Variants in NR3C2 observed in about 807,000 individuals in gnomAD.
NR3C2 encodes the protein nuclear receptor subfamily 3 group C member 2, also known as mineralocorticoid receptor.
In NR3C2, 15 loss-of-function variants were observed where a neutral mutation model predicts 86.4. That is an observed-to-expected ratio of 0.17 (90% CI 0.12 to 0.27). NR3C2 has a LOEUF of 0.27. Among genes scored for constraint, NR3C2 ranks in the 10% least tolerant of loss-of-function variants. The probability of loss-of-function intolerance (pLI) is 1.00; values close to 1 mark genes in which losing one functional copy is unlikely to be tolerated. For synonymous variants in NR3C2, 458 were observed against 450.5 expected (o/e 1.02, Z -0.21); for missense variants, 960 against 1,195.6 (o/e 0.80, Z 2.91).
chr4:148,389,892 C>A (rs1273125393), intron 2 of NR3C2, among the ~76,000 whole-genome samples: 3 of 151,984 alleles, frequency 2.0e-5, no homozygotes. Flanking sequence ...TTCTAGAGAA[C>A]ATCAGACTAT....
At chr4:148,320,554 T>G (rs1339095289) in intron 2 of NR3C2, among the ~76,000 whole-genome samples, 2,483 of 144,426 alleles carry the variant, frequency 0.017, 64 homozygotes, top group African/African-American at 0.062. Context: ...CAATTTCAGA[T>G]CCTGTTATTG....
At chr4:148,224,553 A>G (rs1259799295) in intron 3 of NR3C2, among the ~76,000 whole-genome samples, 1 of 152,230 alleles carries the variant, frequency 6.6e-6, no homozygotes, top group Non-Finnish European at 1.5e-5. Context: ...AGCCAGTATT[A>G]GTATTCCATA....
chr4:148,262,212 G>A (rs1373477097), intron 2 of NR3C2, among the ~76,000 whole-genome samples: 1 of 151,976 alleles, frequency 6.6e-6, no homozygotes, highest in Non-Finnish European at 1.5e-5. Flanking sequence ...GCATAAGCGG[G>A]ATTTTTATTC....
intron 2 of NR3C2, among the ~76,000 whole-genome samples, chr4:148,319,986 C>T (rs1436818894): frequency 1.4e-5 from 2 of 147,252 alleles, no homozygotes; most frequent in East Asian, 2.0e-4. Flanking sequence ...CCAGTTTTTG[C>T]CCATTCAGTA....
At chr4:148,428,662 T>C (rs150304111) in intron 2 of NR3C2, among the ~76,000 whole-genome samples, 97 of 152,314 alleles carry the variant, frequency 6.4e-4, no homozygotes, top group Middle Eastern at 3.4e-3. Flanking sequence ...AAAATCAATT[T>C]TTATACAAAA....
At chr4:148,270,064 T>A (rs2149883463) in intron 2 of NR3C2, among the ~76,000 whole-genome samples, 1 of 140,620 alleles carries the variant, frequency 7.1e-6, no homozygotes. Flanking sequence ...ATTTAGAGGT[T>A]ACTGATTTCA....
chr4:148,088,312 C>T (rs1187497925), intron 8 of NR3C2, among the ~76,000 whole-genome samples: 1 of 152,154 alleles, frequency 6.6e-6, no homozygotes, highest in African/African-American at 2.4e-5. Context: ...TGTGGTGATT[C>T]CTCAAGGATC....
At chr4:148,442,837 C>T (rs762373460), upstream of NR3C2, 260 of 985,326 alleles carry the variant, frequency 2.6e-4, no homozygotes, top group Non-Finnish European at 2.9e-4. Flanking sequence ...TTACGTCCAC[C>T]CTGCTCTCCT....
At chr4:148,260,242 A>G in intron 2 of NR3C2, 125 bp from the exon 3 acceptor site, 1 of 1,193,598 alleles carries the variant, frequency 8.4e-7, no homozygotes, top group East Asian at 2.5e-5. Flanking sequence ...TAATGACCAC[A>G]TACTATGTGA....
chr4:148,303,322 A>G (rs185106198), intron 2 of NR3C2, among the ~76,000 whole-genome samples: 1 of 152,324 alleles, frequency 6.6e-6, no homozygotes, highest in African/African-American at 2.4e-5. Context: ...GGGATGGGTA[A>G]TGTATATATC....
chr4:148,286,091 A>G lies in NR3C2; in HGVS notation c.1758-25974T>C, dbSNP rs552718034. Among the ~76,000 whole-genome samples, 268 of 152,362 alleles carry G rather than the reference A, an allele frequency of 1.8e-3. 1 individual carries two copies. The highest frequency in any genetic ancestry group is 3.2e-3 in the Non-Finnish European group (221 of 68,030). On this transcript the variant is annotated intron_variant, in intron 2 of 8. Coordinates refer to ENST00000358102, the MANE Select transcript of NR3C2 (RefSeq NM_000901.5). ...GCAATGTATTAAATAGAAATAGTTG[A>G]AAAATGTTTGCTTTATCTAAAGTGA...
chr4:148,187,789 T>C (rs1735999283), intron 4 of NR3C2, among the ~76,000 whole-genome samples: 1 of 152,366 alleles, frequency 6.6e-6, no homozygotes, highest in East Asian at 1.9e-4. Context: ...ATGAAATCCT[T>C]GCCTAAGCCA....
chr4:148,274,440 G>A (rs1290129624), intron 2 of NR3C2, among the ~76,000 whole-genome samples: 1 of 152,124 alleles, frequency 6.6e-6, no homozygotes, highest in Non-Finnish European at 1.5e-5. Flanking sequence ...GACCCGGTGG[G>A]AGGTGTATGG....
Position 148,334,860 on chromosome 4 carries a change from G to A in NR3C2, c.1758-74743C>T, listed in dbSNP as rs145330341. 1.1e-4 allele frequency among the ~76,000 whole-genome samples: 17 copies of A among 152,240 alleles called. No homozygotes were observed. In the East Asian group the frequency reaches 3.3e-3, roughly 29 times the overall value. On this transcript the variant is annotated intron_variant, in intron 2 of 8. Transcript: ENST00000358102. ...GTTGGGTTCCTTCTGAGAGTTATGGGGGAGAATCTGCCCCCTGCTTCTCTC... is the reference window on the plus strand; with the variant it reads ...GTTGGGTTCCTTCTGAGAGTTATGGAGGAGAATCTGCCCCCTGCTTCTCTC...
chr4:148,194,887 T>G (rs759167030), intron 3 of NR3C2, 25 bp from the exon 4 acceptor site: 1 of 1,491,468 alleles, frequency 6.7e-7, no homozygotes, highest in South Asian at 1.1e-5. Context: ...AAAAAATAAC[T>G]GTTAAAATAG....
Position 148,314,648 on chromosome 4 carries a change from A to G in NR3C2, c.1758-54531T>C, listed in dbSNP as rs1206115754. Among the ~76,000 whole-genome samples, 7 of 152,278 alleles carry G rather than the reference A, an allele frequency of 4.6e-5. No individual in the cohort carries two copies. In the East Asian group the frequency reaches 1.3e-3, roughly 29 times the overall value. ...CAAACAGTTTTGTAATTTCCTAGAA[A>G]GGATAACTTCACTTGAAGTATCTAA... On this transcript the variant is annotated intron_variant, in intron 2 of 8. Coordinates refer to ENST00000358102, the MANE Select transcript of NR3C2 (RefSeq NM_000901.5).
At chr4:148,236,883 G>A (rs1738775033) in intron 3 of NR3C2, among the ~76,000 whole-genome samples, 1 of 151,896 alleles carries the variant, frequency 6.6e-6, no homozygotes, top group Admixed American at 6.6e-5. Flanking sequence ...AAGATTAATG[G>A]GATTGAAGTA....
At chr4:148,379,057 A>C (rs1746824124) in intron 2 of NR3C2, among the ~76,000 whole-genome samples, 1 of 152,200 alleles carries the variant, frequency 6.6e-6, no homozygotes, top group South Asian at 2.1e-4. Context: ...ATACAATATG[A>C]TACATGAAGA....
chr4:148,109,225 T>C (rs575630715), intron 8 of NR3C2, among the ~76,000 whole-genome samples: 61 of 152,272 alleles, frequency 4.0e-4, no homozygotes, highest in African/African-American at 1.4e-3. Context: ...TTCACAAGGC[T>C]TGGTACCAAT....
Sources: gnomAD v4.1 joint callset for allele counts (sites outside exome capture counted in the v4.1 genomes callset) on GRCh38, gnomAD v4.1.1 for gene constraint, MANE v1.5 for transcripts, NCBI Gene and HGNC (gene_info 2026-07-23, HGNC 2026-07-21) for gene names.